NDUFB2: variants seen among roughly 807,000 people sequenced by gnomAD.
NDUFB2 encodes NADH dehydrogenase [ubiquinone] 1 beta subcomplex subunit 2, mitochondrial.
Under a neutral mutation model 13.4 loss-of-function variants are expected in NDUFB2, and 13 were observed. The ratio of observed to expected loss-of-function variants is 0.97; its 90% CI spans 0.63 to 1.54. The LOEUF is 1.54. Among genes scored for constraint, NDUFB2 ranks in the 40% most tolerant of loss-of-function variants. The pLI is 0.00. For missense variants in NDUFB2, 150 were observed against 139.7 expected (o/e 1.07, Z -0.37); for synonymous variants, 47 against 50.6 (o/e 0.93, Z 0.30).
intron 1 of NDUFB2, 73 bp downstream of exon 1, chr7:140,696,915 C>A: frequency 7.1e-7 from 1 of 1,404,916 alleles, no homozygotes; most frequent in Non-Finnish European, 9.8e-7. Flanking sequence ...ACGCTCTCAC[C>A]TTGACTGGGG....
chr7:140,696,835 G>A lies in NDUFB2; in HGVS notation c.91G>A (p.Val31Ile), dbSNP rs1179461336. 1 of 1,605,412 alleles carries A rather than the reference G, an allele frequency of 6.2e-7. No homozygotes were observed. The change falls in exon 1 of 4, where the codon GTC (valine) becomes ATC (isoleucine). Residue 31 changes from valine (V) to isoleucine (I), a missense_variant. Physicochemically the swap from Val to Ile is conservative, Grantham distance 29. Coordinates refer to ENST00000247866, the MANE Select transcript of NDUFB2 (RefSeq NM_004546.3). ...GCARTAGDGG[V>I]RHAGGGVHIE... Reference sequence around the variant, plus strand: ...CGCACGGACTGCTGGAGATGGTGGAGTCCGTCAGTGAGTGTGGGGCTGGGG... The same window carrying A: ...CGCACGGACTGCTGGAGATGGTGGAATCCGTCAGTGAGTGTGGGGCTGGGG...
At position 140,696,801 on chromosome 7, in the gene NDUFB2, A is replaced by G; in HGVS notation, c.57A>G (p.Arg19=). ...SFARVGGRLF[R]SGCARTAGDG... ...CTCGCGTTGGAGGCCGCCTTTTCAG[A>G]AGCGGCTGCGCACGGACTGCTGGAG... Residue 19 remains arginine, a synonymous_variant, in exon 1 of 4, where the codon AGA becomes AGG. Coordinates refer to ENST00000247866, the MANE Select transcript of NDUFB2 (RefSeq NM_004546.3). The G allele has an allele frequency of 6.2e-7, 1 of 1,609,372 alleles. No homozygotes were observed. Among genetic ancestry groups the G allele is most frequent in the Non-Finnish European group, 8.5e-7 (1 of 1,178,184 alleles).
intron 1 of NDUFB2, chr7:140,698,088 G>A (rs1248797292): frequency 7.4e-7 from 1 of 1,343,288 alleles, no homozygotes. Context: ...CTGAGGCCCA[G>A]GAAATGAAAG....
At chr7:140,698,355 G>C in intron 1 of NDUFB2, 1 of 1,327,140 alleles carries the variant, frequency 7.5e-7, no homozygotes, top group South Asian at 1.2e-5. Flanking sequence ...CTATATGGCT[G>C]CTCCTTTCTA....
chr7:140,696,972 C>T, intron 1 of NDUFB2, 130 bp downstream of exon 1: 7 of 824,456 alleles, frequency 8.5e-6, no homozygotes, highest in Non-Finnish European at 1.3e-5. Flanking sequence ...CTGTAGTCCG[C>T]GTGTCTCCTG....
intron 3 of NDUFB2, chr7:140,705,291 A>G: frequency 6.2e-6 from 1 of 160,720 alleles, no homozygotes; most frequent in Non-Finnish European, 1.4e-5. Context: ...GTAGAGGCAG[A>G]GTTTTGCCAC....
chr7:140,701,982 A>G, intron 1 of NDUFB2: 1 of 691,338 alleles, frequency 1.4e-6, no homozygotes, highest in East Asian at 2.7e-5. Flanking sequence ...ATGTATCAAG[A>G]ACCACTGCCC....
chr7:140,697,279 T>A (rs1315724202), intron 1 of NDUFB2: 1 of 701,942 alleles, frequency 1.4e-6, no homozygotes, highest in Admixed American at 2.0e-5. Context: ...GAATTTAGGG[T>A]AGAGTCTGTT....
intron 1 of NDUFB2, among the ~76,000 whole-genome samples, chr7:140,699,988 T>C (rs1001876509): frequency 1.3e-4 from 19 of 151,782 alleles, no homozygotes; most frequent in Admixed American, 3.3e-4. Context: ...CTTTCAAATC[T>C]TTGTTCCAAA....
At chr7:140,702,726 G>A (rs1297509636) in intron 1 of NDUFB2, 140 bp from the exon 2 acceptor site, 2 of 985,044 alleles carry the variant, frequency 2.0e-6, no homozygotes, top group South Asian at 2.1e-5. Context: ...AGTATTTCAA[G>A]GGATTGTGAA....
rs758356157 is a variant in NDUFB2, at chr7:140,696,766, G to A, written c.22G>A (p.Ala8Thr). ...GAGTATGTCCGCTCTGACTCGGCTG[G>A]CGTCTTTCGCTCGCGTTGGAGGCCG... Reference protein sequence around the residue: MSALTRLASFARVGGRLF... With the variant: MSALTRLTSFARVGGRLF... The change falls in exon 1 of 4, where the codon GCG (alanine) becomes ACG (threonine). Residue 8 changes from alanine (A) to threonine (T), a missense_variant. Physicochemically the swap from Ala to Thr is moderately conservative, Grantham distance 58 (BLOSUM62 0). Transcript: ENST00000247866. The A allele has an allele frequency of 1.9e-6, 3 of 1,603,264 alleles. No individual in the cohort carries two copies. The highest frequency in any genetic ancestry group is 3.4e-5 in the Admixed American group (2 of 58,654).
chr7:140,697,410 C>T (rs1794828793), intron 1 of NDUFB2: 1 of 702,524 alleles, frequency 1.4e-6, no homozygotes, highest in Non-Finnish European at 2.6e-6. Context: ...AGCAGAAAGC[C>T]GGAAGCCAAC....
chr7:140,701,896 A>C lies in NDUFB2; in HGVS notation c.99-970A>C. On this transcript the variant is annotated intron_variant, in intron 1 of 3. Coordinates refer to ENST00000247866, the MANE Select transcript of NDUFB2 (RefSeq NM_004546.3). ...GGTTGCAGTGAGCCAAGATTGTTCC[A>C]TTGCACTCCAGCCTGGGTGACAGAG... 5.6e-6 allele frequency: 3 copies of C among 537,084 alleles called. No individual in the cohort carries two copies. In the South Asian group the frequency reaches 7.5e-5, roughly 13 times the overall value. The allele number at this position is 537,084 out of a possible 1,614,324, so 33.3% of individuals were successfully genotyped here.
chr7:140,702,045 T>C (rs766083286), intron 1 of NDUFB2: 25 of 702,412 alleles, frequency 3.6e-5, no homozygotes, highest in Non-Finnish European at 5.5e-5. Flanking sequence ...TTAATGCACT[T>C]TTCCTACAGG....
At chr7:140,697,952 G>A (rs1218454431) in intron 1 of NDUFB2, 2 of 1,265,216 alleles carry the variant, frequency 1.6e-6, no homozygotes, top group East Asian at 5.6e-5. Flanking sequence ...CTCCAGCCTC[G>A]GCCTCCCAAA....
At chr7:140,702,653 T>C (rs1056834289) in intron 1 of NDUFB2, 4 of 494,560 alleles carry the variant, frequency 8.1e-6, no homozygotes, top group Non-Finnish European at 1.4e-5. Flanking sequence ...AAACCAAAAT[T>C]AGCCTCTTGT....
rs1328056597 is a variant in NDUFB2 at position 140,702,000 on chromosome 7, G to C, written c.99-866G>C. ...TATCAAGAACCACTGCCCTGTTACTGTTCACGAATCTGTGCATTATGAAGA... is the reference window on the plus strand; with the variant it reads ...TATCAAGAACCACTGCCCTGTTACTCTTCACGAATCTGTGCATTATGAAGA... On this transcript the variant is annotated intron_variant, in intron 1 of 3. Coordinates refer to ENST00000247866, the MANE Select transcript of NDUFB2 (RefSeq NM_004546.3). The C allele has an allele frequency of 4.3e-6, 3 of 699,768 alleles. No homozygotes were observed. The African/African-American group carries it at 5.3e-5, about 12-fold the overall frequency. The allele number at this position is 699,768 out of a possible 1,614,324, so 43.3% of individuals were successfully genotyped here. A position where few individuals can be genotyped will look rare whatever the true frequency, so the allele number is the denominator to read the frequency against.
rs1794809960 is a variant in NDUFB2 at position 140,696,713 on chromosome 7, G to A, written c.-32G>A. On this transcript the variant is annotated 5_prime_UTR_variant, in exon 1 of 4. Coordinates refer to ENST00000247866, the MANE Select transcript of NDUFB2 (RefSeq NM_004546.3). ...GAAGCGAAGTAGGCAGGGGCGAGGC[G>A]GCTGGGGACCGCGGGGCGGACGGGA... 2 of 1,552,810 alleles carry A rather than the reference G, an allele frequency of 1.3e-6. No homozygotes were observed. Among genetic ancestry groups the A allele is most frequent in the Non-Finnish European group, 1.7e-6 (2 of 1,148,262 alleles).
At chr7:140,698,383 A>G (rs1050888398) in intron 1 of NDUFB2, 20 of 1,212,522 alleles carry the variant, frequency 1.6e-5, no homozygotes, top group African/African-American at 3.1e-5. Flanking sequence ...AGGATATAGC[A>G]GAATACGAGA....
Sources: gnomAD v4.1 joint callset for allele counts (sites outside exome capture counted in the v4.1 genomes callset) on GRCh38, gnomAD v4.1.1 for gene constraint, MANE v1.5 for transcripts, NCBI Gene and HGNC (gene_info 2026-07-23, HGNC 2026-07-21) for gene names.